Variants in SORCS1 observed in about 807,000 individuals in gnomAD.
The protein encoded by SORCS1 is VPS10 domain-containing receptor SorCS1.
SORCS1 carries 60 observed loss-of-function variants against 146.1 expected under a neutral mutation model. The ratio of observed to expected loss-of-function variants is 0.41; its 90% confidence interval spans 0.33 to 0.51. SORCS1 has a LOEUF of 0.51. Among genes scored for constraint, SORCS1 ranks in the 20% least tolerant of loss-of-function variants. The probability of loss-of-function intolerance (pLI) is 0.21; values close to 1 mark genes in which losing one functional copy is unlikely to be tolerated. For synonymous variants in SORCS1, 637 were observed against 584.0 expected (o/e 1.09, Z -1.31); for missense variants, 1,352 against 1,487.6 (o/e 0.91, Z 1.50).
At chr10:107,065,415 T>TTTTCTTTCTTTCTTTC (rs151043663) in intron 1 of SORCS1, among the ~76,000 whole-genome samples, 2,643 of 120,356 alleles carry the variant, frequency 0.022, 91 homozygotes, top group South Asian at 0.034. Flanking sequence ...TCTCTCTTTC[T>TTTTCTTTCTTTCTTTC]TTTCTTTCTT....
intron 1 of SORCS1, among the ~76,000 whole-genome samples, chr10:106,975,092 T>A (rs1955937669): frequency 6.6e-6 from 1 of 152,164 alleles, no homozygotes; most frequent in Non-Finnish European, 1.5e-5. Context: ...AGCAAAACCC[T>A]CCCATTCTGT....
At chr10:106,924,482 T>A (rs999265537) in intron 2 of SORCS1, among the ~76,000 whole-genome samples, 23 of 150,478 alleles carry the variant, frequency 1.5e-4, no homozygotes, top group African/African-American at 5.3e-4. Context: ...TCTATCTATC[T>A]ATCTATCTAT....
At chr10:106,743,438 GAGA>G (rs938451402) in intron 5 of SORCS1, among the ~76,000 whole-genome samples, 86 of 152,142 alleles carry the variant, frequency 5.7e-4, no homozygotes, top group African/African-American at 2.0e-3. Context: ...TTATTTTATT[GAGA>G]AGGAGTCTCA....
intron 24 of SORCS1, among the ~76,000 whole-genome samples, chr10:106,590,873 T>C (rs1845562175): frequency 6.6e-6 from 1 of 152,186 alleles, no homozygotes; most frequent in Non-Finnish European, 1.5e-5. Flanking sequence ...CAGGCTGGTC[T>C]TGAACTCCTG....
intron 10 of SORCS1, among the ~76,000 whole-genome samples, chr10:106,684,496 G>A (rs1260279949): frequency 3.3e-5 from 5 of 152,174 alleles, no homozygotes; most frequent in African/African-American, 7.2e-5. Context: ...GGCATTGGAC[G>A]CAGGTGGACC....
intron 1 of SORCS1, among the ~76,000 whole-genome samples, chr10:107,149,896 C>T (rs1205421553): frequency 6.6e-6 from 1 of 152,200 alleles, no homozygotes; most frequent in Non-Finnish European, 1.5e-5. Flanking sequence ...AAAACAGGCA[C>T]TAATGACCTT....
chr10:106,915,933 T>C (rs551843361), intron 2 of SORCS1, among the ~76,000 whole-genome samples: 1 of 152,144 alleles, frequency 6.6e-6, no homozygotes, highest in African/African-American at 2.4e-5. Flanking sequence ...AGAAAGCCAA[T>C]TGATAAGAAA....
At chr10:106,627,311 G>A (rs1243770209) in intron 19 of SORCS1, among the ~76,000 whole-genome samples, 14 of 152,168 alleles carry the variant, frequency 9.2e-5, no homozygotes, top group Admixed American at 9.2e-4. Flanking sequence ...ATTTACATGT[G>A]ATTGGACTAC....
intron 25 of SORCS1, chr10:106,577,844 C>T: frequency 1.1e-5 from 3 of 282,640 alleles, no homozygotes; most frequent in Admixed American, 4.9e-5. Flanking sequence ...ACATTTATTA[C>T]CTTGCCTCTC....
intron 3 of SORCS1, among the ~76,000 whole-genome samples, chr10:106,814,554 A>G (rs1188018443): frequency 6.6e-6 from 1 of 152,220 alleles, no homozygotes; most frequent in Non-Finnish European, 1.5e-5. Flanking sequence ...TTATAAGGAT[A>G]AGATGATTAC....
chr10:106,770,396 G>T (rs1466970198), intron 4 of SORCS1, among the ~76,000 whole-genome samples: 4 of 151,618 alleles, frequency 2.6e-5, no homozygotes, highest in Admixed American at 2.6e-4. Context: ...AAAATAAAGG[G>T]TGGCCCACCA....
intron 1 of SORCS1, among the ~76,000 whole-genome samples, chr10:107,160,955 C>G (rs1185446214): frequency 6.6e-6 from 1 of 152,168 alleles, no homozygotes; most frequent in Non-Finnish European, 1.5e-5. Context: ...TTCTTGCTTA[C>G]GACACCAAGC....
At chr10:106,883,776 C>T (rs1467264715) in intron 2 of SORCS1, among the ~76,000 whole-genome samples, 2 of 152,184 alleles carry the variant, frequency 1.3e-5, no homozygotes, top group Admixed American at 1.3e-4. Context: ...ATTTCTTTGA[C>T]TTAAGCTTCT....
chr10:107,106,072 A>T (rs1195441125), intron 1 of SORCS1, among the ~76,000 whole-genome samples: 1 of 152,210 alleles, frequency 6.6e-6, no homozygotes, highest in Non-Finnish European at 1.5e-5. Flanking sequence ...AGCTGATCAA[A>T]GGAAGAGATG....
At chr10:107,148,521 A>G (rs1968518856) in intron 1 of SORCS1, among the ~76,000 whole-genome samples, 1 of 152,252 alleles carries the variant, frequency 6.6e-6, no homozygotes, top group Non-Finnish European at 1.5e-5. Flanking sequence ...AACAGGTGGT[A>G]GGACAGATAT....
chr10:106,923,778 T>C (rs893339610), intron 2 of SORCS1, among the ~76,000 whole-genome samples: 3 of 152,250 alleles, frequency 2.0e-5, no homozygotes, highest in African/African-American at 7.2e-5. Context: ...TCTGTTCAGA[T>C]CTTTTGCCCG....
At chr10:107,043,507 C>T (rs1959189027) in intron 1 of SORCS1, among the ~76,000 whole-genome samples, 1 of 152,144 alleles carries the variant, frequency 6.6e-6, no homozygotes, top group South Asian at 2.1e-4. Context: ...GCAAACAAAG[C>T]AATACAGTTT....
intron 1 of SORCS1, among the ~76,000 whole-genome samples, chr10:107,131,184 C>A (rs767634645): frequency 2.0e-5 from 3 of 152,152 alleles, no homozygotes; most frequent in Non-Finnish European, 4.4e-5. Flanking sequence ...TTTTGTATTT[C>A]TTTTAATGTT....
chr10:106,695,015 C>G (rs910684202), intron 9 of SORCS1, among the ~76,000 whole-genome samples: 1 of 152,182 alleles, frequency 6.6e-6, no homozygotes, highest in Non-Finnish European at 1.5e-5. Context: ...AGGCATCACT[C>G]TTCTCACAGA....
Sources: allele counts gnomAD v4.1 joint callset (sites outside exome capture counted in the v4.1 genomes callset), GRCh38; gene constraint gnomAD v4.1.1; transcripts MANE v1.5; gene names NCBI Gene and HGNC (gene_info 2026-07-23, HGNC 2026-07-21).